SLC7A1: variants seen among roughly 807,000 people sequenced by gnomAD.
SLC7A1 encodes high affinity cationic amino acid transporter 1.
In SLC7A1, 10 loss-of-function variants were observed where a neutral mutation model predicts 53.9. The ratio of observed to expected loss-of-function variants is 0.19; its 90% CI spans 0.11 to 0.31. SLC7A1 has a LOEUF of 0.31. SLC7A1 is among the 10% of genes least tolerant of loss of function. SLC7A1 has a pLI of 1.00. For missense variants in SLC7A1, 525 were observed against 827.2 expected, an observed-to-expected ratio of 0.63 and a Z score of 4.48; for synonymous variants, 342 against 338.7, an observed-to-expected ratio of 1.01 and a Z score of -0.11.
chr13:29,519,716 C>T (rs909471442), intron 8 of SLC7A1, among the ~76,000 whole-genome samples, 167 bp from the exon 9 acceptor site: 7 of 149,524 alleles, frequency 4.7e-5, no homozygotes, highest in African/African-American at 1.7e-4. Context: ...AGTCAAGCTT[C>T]CCTTTAAGCT....
intron 1 of SLC7A1, among the ~76,000 whole-genome samples, chr13:29,566,325 A>G (rs967820149): frequency 1.3e-5 from 2 of 152,202 alleles, no homozygotes; most frequent in African/African-American, 4.8e-5. Flanking sequence ...ATGTACACCA[A>G]TGTTCACAGT....
intron 3 of SLC7A1, 88 bp downstream of exon 3, chr13:29,535,731 C>G (rs1869380871): frequency 7.3e-7 from 1 of 1,364,516 alleles, no homozygotes; most frequent in African/African-American, 1.4e-5. Flanking sequence ...CAAGAATGAC[C>G]TCCCTGTGGG....
At chr13:29,546,633 T>C (rs1869934075) in intron 2 of SLC7A1, among the ~76,000 whole-genome samples, 1 of 152,162 alleles carries the variant, frequency 6.6e-6, no homozygotes, top group African/African-American at 2.4e-5. Context: ...AATTCACACA[T>C]AGGCCTGGGA....
intron 1 of SLC7A1, among the ~76,000 whole-genome samples, chr13:29,583,709 C>T (rs1871752494): frequency 1.3e-5 from 2 of 152,178 alleles, no homozygotes; most frequent in African/African-American, 4.8e-5. Context: ...CAGAGTCTTT[C>T]AGTAATTAGG....
At chr13:29,585,209 G>C (rs1159889817) in intron 1 of SLC7A1, among the ~76,000 whole-genome samples, 2 of 152,148 alleles carry the variant, frequency 1.3e-5, no homozygotes, top group African/African-American at 2.4e-5. Context: ...ACCACAAAAA[G>C]AAACCTTGAC....
chr13:29,585,572 C>T lies in SLC7A1; in HGVS notation c.-115+9844G>A, dbSNP rs147303402. On this transcript the variant is annotated intron_variant, in intron 1 of 12. Coordinates refer to ENST00000380752, the MANE Select transcript of SLC7A1 (RefSeq NM_003045.5). ...ACTGCGGTCAAAGAAGTTTAAAAGCCGCCATCCTCGGGAACACCCAGTGAG... is the reference window on the plus strand; with the variant it reads ...ACTGCGGTCAAAGAAGTTTAAAAGCTGCCATCCTCGGGAACACCCAGTGAG... Among the ~76,000 whole-genome samples the T allele has an allele frequency of 1.9e-3, 291 of 152,126 alleles. 1 individual carries two copies. Among genetic ancestry groups the T allele is most frequent in the Non-Finnish European group, 3.4e-3 (233 of 68,002 alleles).
At chr13:29,516,884 C>T (rs1883573446) in intron 11 of SLC7A1, 2 of 408,744 alleles carry the variant, frequency 4.9e-6, no homozygotes, top group Non-Finnish European at 8.6e-6. Flanking sequence ...CGAGGTCTCT[C>T]TTGGCCTGTG....
At chr13:29,591,924 G>A (rs1872128800) in intron 1 of SLC7A1, among the ~76,000 whole-genome samples, 1 of 152,192 alleles carries the variant, frequency 6.6e-6, no homozygotes, top group Non-Finnish European at 1.5e-5. Flanking sequence ...CATGGACTTG[G>A]TGCCTTGATT....
chr13:29,589,159 G>T (rs367984252), intron 1 of SLC7A1, among the ~76,000 whole-genome samples: 1 of 152,342 alleles, frequency 6.6e-6, no homozygotes, highest in South Asian at 2.1e-4. Flanking sequence ...AGGAAAGGGG[G>T]CACCTCCGCA....
intron 1 of SLC7A1, among the ~76,000 whole-genome samples, chr13:29,583,827 C>A (rs75580250): frequency 0.025 from 3,774 of 152,304 alleles, 142 homozygotes; most frequent in African/African-American, 0.085. Context: ...AAATTACTCA[C>A]AGAACTAATG....
intron 5 of SLC7A1, among the ~76,000 whole-genome samples, chr13:29,529,104 T>C (rs550427430): frequency 6.6e-6 from 1 of 152,334 alleles, no homozygotes; most frequent in South Asian, 2.1e-4. Context: ...TGGACACCCA[T>C]AAATTTGGCA....
At chr13:29,566,228 A>T (rs1870961803) in intron 1 of SLC7A1, among the ~76,000 whole-genome samples, 1 of 152,230 alleles carries the variant, frequency 6.6e-6, no homozygotes, top group Non-Finnish European at 1.5e-5. Flanking sequence ...AACTAAGAAG[A>T]TTCCTCAAAA....
chr13:29,531,764 G>T (rs1869174119), intron 4 of SLC7A1, among the ~76,000 whole-genome samples: 1 of 152,124 alleles, frequency 6.6e-6, no homozygotes, highest in Non-Finnish European at 1.5e-5. Flanking sequence ...AACCCAGGAG[G>T]CAGAGGTTGC....
At chr13:29,544,089 C>CAAACAAAT (rs1396288753) in intron 2 of SLC7A1, among the ~76,000 whole-genome samples, 5 of 152,154 alleles carry the variant, frequency 3.3e-5, no homozygotes, top group Middle Eastern at 3.2e-3. Context: ...CGAAGAGGCC[C>CAAACAAAT]AAACAAATAA....
chr13:29,544,137 T>A (rs531016421), intron 2 of SLC7A1, among the ~76,000 whole-genome samples: 27 of 152,280 alleles, frequency 1.8e-4, no homozygotes, highest in African/African-American at 6.5e-4. Context: ...CAATGCTGTC[T>A]CAGGAAGGAA....
intron 1 of SLC7A1, among the ~76,000 whole-genome samples, chr13:29,561,108 A>G (rs1870734603): frequency 6.6e-6 from 1 of 152,248 alleles, no homozygotes; most frequent in Admixed American, 6.5e-5. Context: ...TGAACTAACT[A>G]GACCAAAATC....
intron 1 of SLC7A1, among the ~76,000 whole-genome samples, chr13:29,565,824 C>T (rs1870945036): frequency 6.6e-6 from 1 of 152,216 alleles, no homozygotes; most frequent in Non-Finnish European, 1.5e-5. Context: ...CTCGGGCAGC[C>T]TCTTCAAGTT....
At chr13:29,520,299 C>T (rs1868575535) in intron 8 of SLC7A1, among the ~76,000 whole-genome samples, 1 of 152,086 alleles carries the variant, frequency 6.6e-6, no homozygotes, top group Non-Finnish European at 1.5e-5. Context: ...TGAGTGTACC[C>T]CACCAAGACA....
chr13:29,530,140 G>C (rs1399657645), intron 5 of SLC7A1, among the ~76,000 whole-genome samples: 1 of 152,118 alleles, frequency 6.6e-6, no homozygotes, highest in Non-Finnish European at 1.5e-5. Context: ...GTATTTAAAG[G>C]TGAAGTGAGG....
Sources: allele counts gnomAD v4.1 joint callset (sites outside exome capture counted in the v4.1 genomes callset), GRCh38; gene constraint gnomAD v4.1.1; transcripts MANE v1.5; gene names NCBI Gene and HGNC (gene_info 2026-07-23, HGNC 2026-07-21).